The following CAB39 variants were observed in gnomAD, a reference collection of about 807,000 sequenced individuals.
CAB39 encodes calcium binding protein 39.
In CAB39, 8 loss-of-function variants were observed where a neutral mutation model predicts 40.0. The ratio of observed to expected loss-of-function variants is 0.20; its 90% CI spans 0.12 to 0.36. The LOEUF (loss-of-function observed/expected upper bound fraction) is 0.36, where lower values mean the gene tolerates loss of function less well. CAB39 is among the 10% of genes least tolerant of loss of function. CAB39 has a pLI of 1.00. For missense variants in CAB39, 270 were observed against 401.1 expected (o/e 0.67, Z 2.79); for synonymous variants, 156 against 141.6 (o/e 1.10, Z -0.72).
chr2:230,797,887 G>A (rs1249707869), intron 4 of CAB39, among the ~76,000 whole-genome samples: 1 of 152,136 alleles, frequency 6.6e-6, no homozygotes, highest in Non-Finnish European at 1.5e-5. Context: ...CTAGTGTGTT[G>A]GGAAATGGAA....
intron 1 of CAB39, among the ~76,000 whole-genome samples, chr2:230,736,314 TC>T (rs1214096184): frequency 6.6e-6 from 1 of 152,214 alleles, no homozygotes; most frequent in African/African-American, 2.4e-5. Context: ...TTAGATTTTT[TC>T]ATGTCCTTTG....
chr2:230,793,821 T>A (rs1695930811), intron 4 of CAB39, among the ~76,000 whole-genome samples: 1 of 152,248 alleles, frequency 6.6e-6, no homozygotes, highest in South Asian at 2.1e-4. Flanking sequence ...TTTACCTCTC[T>A]GTGTCCACTT....
chr2:230,803,105 G>A (rs904922564), intron 5 of CAB39, among the ~76,000 whole-genome samples: 2 of 152,082 alleles, frequency 1.3e-5, no homozygotes, highest in African/African-American at 4.8e-5. Context: ...TTCAACATAC[G>A]AAAATCAATA....
intron 1 of CAB39, among the ~76,000 whole-genome samples, chr2:230,753,755 A>G (rs1017382555): frequency 1.2e-4 from 18 of 152,072 alleles, no homozygotes; most frequent in Admixed American, 7.9e-4. Context: ...AAAAAAAAAA[A>G]AAAAGAAAAG....
At chr2:230,800,017 A>G (rs1385974716) in intron 5 of CAB39, among the ~76,000 whole-genome samples, 2 of 151,152 alleles carry the variant, frequency 1.3e-5, no homozygotes, top group Non-Finnish European at 3.0e-5. Flanking sequence ...GTATACACGC[A>G]CACACACACA....
rs142208991 is a variant in CAB39 at position 230,806,874 on chromosome 2, C to G, written c.568-3389C>G. 5.9e-5 allele frequency among the ~76,000 whole-genome samples: 9 copies of G among 152,220 alleles called. No individual in the cohort carries two copies. The East Asian group carries it at 1.7e-3, about 29-fold the overall frequency. On this transcript the variant is annotated intron_variant, in intron 5 of 8. Coordinates refer to ENST00000258418, the MANE Select transcript of CAB39 (RefSeq NM_016289.4). ...GCCAAGATGAATGTGAAAATAAGCC[C>G]CCTGGGTTAGCAGGATTTCTTCAGG...
chr2:230,786,827 A>C (rs1386975173), intron 2 of CAB39, among the ~76,000 whole-genome samples: 1 of 152,224 alleles, frequency 6.6e-6, no homozygotes, highest in Non-Finnish European at 1.5e-5. Context: ...AACCCAATAC[A>C]TGCAGATAGA....
intron 2 of CAB39, among the ~76,000 whole-genome samples, chr2:230,766,572 A>G (rs1404393725): frequency 1.3e-5 from 2 of 152,288 alleles, no homozygotes; most frequent in African/African-American, 2.4e-5. Context: ...GTCTCACTCT[A>G]TCACTTAGGC....
intron 4 of CAB39, 27 bp from the exon 5 acceptor site, chr2:230,798,698 GGTTT>G (rs753538372): frequency 1.5e-5 from 23 of 1,559,516 alleles, no homozygotes; most frequent in East Asian, 1.1e-4. Context: ...AATCATGTTT[GGTTT>G]GTTTGTTTGG....
At chr2:230,726,199 G>T (rs551255590) in intron 1 of CAB39, among the ~76,000 whole-genome samples, 1 of 151,686 alleles carries the variant, frequency 6.6e-6, no homozygotes, top group Non-Finnish European at 1.5e-5. Context: ...GTCTCTCTCT[G>T]TTACCTAGGC....
rs1044977781 is a variant in CAB39, at chr2:230,712,946, A to C, written c.-328A>C. On this transcript the variant is annotated 5_prime_UTR_variant, in exon 1 of 9. Transcript: ENST00000258418. ...AGCCTTCAGGCGCCGGGGCGGGGGC[A>C]CAGGCGAAGACTAAGGCGGCGCCGG... 1.3e-5 allele frequency: 2 copies of C among 151,628 alleles called. No individual in the cohort carries two copies. The highest frequency in any genetic ancestry group is 1.3e-4 in the Admixed American group (2 of 15,208). 9.4% of individuals were successfully genotyped at this position (151,628 alleles called of 1,614,324 possible).
In CAB39 at chr2:230,715,900, A is replaced by T. The variant is rs558663211; in HGVS notation, c.-44+2670A>T. Reference sequence around the variant, plus strand: ...ATTTTTATAGAGACAGGGTCTTGCCATGTTTCCCAGGCTGGTCTTGAACTG... The same window carrying T: ...ATTTTTATAGAGACAGGGTCTTGCCTTGTTTCCCAGGCTGGTCTTGAACTG... On this transcript the variant is annotated intron_variant, in intron 1 of 8. Coordinates refer to ENST00000258418, the MANE Select transcript of CAB39 (RefSeq NM_016289.4). Among the ~76,000 whole-genome samples the T allele has an allele frequency of 2.0e-5, 3 of 152,232 alleles. No homozygotes were observed. The South Asian group carries it at 6.2e-4, about 32-fold the overall frequency.
chr2:230,746,688 G>A (rs151272391), intron 1 of CAB39, among the ~76,000 whole-genome samples: 62 of 152,260 alleles, frequency 4.1e-4, no homozygotes, highest in African/African-American at 1.4e-3. Context: ...CCCTCCAAGA[G>A]CATCTTGGTT....
chr2:230,753,836 A>ATTTCTGT (rs1479750157), intron 1 of CAB39, among the ~76,000 whole-genome samples: 4 of 152,074 alleles, frequency 2.6e-5, no homozygotes, highest in Non-Finnish European at 4.4e-5. Flanking sequence ...TAAAATATCT[A>ATTTCTGT]TTTCTGTTCA....
intron 6 of CAB39, among the ~76,000 whole-genome samples, chr2:230,810,812 T>G (rs1481988119): frequency 6.6e-6 from 1 of 152,208 alleles, no homozygotes; most frequent in Non-Finnish European, 1.5e-5. Context: ...AAGTCCGTCC[T>G]TATTGTAAAA....
intron 1 of CAB39, among the ~76,000 whole-genome samples, chr2:230,734,430 T>G (rs1694748775): frequency 6.6e-6 from 1 of 152,094 alleles, no homozygotes; most frequent in Non-Finnish European, 1.5e-5. Flanking sequence ...TCGGTTAGGT[T>G]GTTGAGGCCA....
intron 7 of CAB39, among the ~76,000 whole-genome samples, chr2:230,816,816 T>A (rs543930596): frequency 2.6e-5 from 4 of 152,010 alleles, no homozygotes; most frequent in Non-Finnish European, 4.4e-5. Context: ...ACAGAGGAGT[T>A]CAGTAACGTG....
intron 1 of CAB39, among the ~76,000 whole-genome samples, chr2:230,748,219 T>A (rs1695009907): frequency 6.6e-6 from 1 of 152,178 alleles, no homozygotes; most frequent in Non-Finnish European, 1.5e-5. Context: ...TATGGTGATG[T>A]TAAACTTGTT....
chr2:230,750,572 A>C (rs1559597678), intron 1 of CAB39, among the ~76,000 whole-genome samples: 1 of 148,634 alleles, frequency 6.7e-6, no homozygotes, highest in East Asian at 2.0e-4. Flanking sequence ...CACATCTTTT[A>C]TTTTTTTTTT....
Sources: allele counts gnomAD v4.1 joint callset (sites outside exome capture counted in the v4.1 genomes callset), GRCh38; gene constraint gnomAD v4.1.1; transcripts MANE v1.5; gene names NCBI Gene and HGNC (gene_info 2026-07-23, HGNC 2026-07-21).